Variants in SLC22A23 observed in about 807,000 individuals in gnomAD.
SLC22A23 encodes the protein solute carrier family 22 member 23.
SLC22A23 carries 26 observed loss-of-function variants against 61.0 expected under a neutral mutation model. The ratio of observed to expected loss-of-function variants is 0.43; its 90% CI spans 0.31 to 0.59. The LOEUF is 0.59. SLC22A23 is among the 20% of genes least tolerant of loss of function. The probability of loss-of-function intolerance (pLI) is 0.11; values close to 1 mark genes in which losing one functional copy is unlikely to be tolerated. For missense variants in SLC22A23, 796 were observed against 934.7 expected, an observed-to-expected ratio of 0.85 and a Z score of 1.94; for synonymous variants, 430 against 413.9, an observed-to-expected ratio of 1.04 and a Z score of -0.47.
chr6:3,389,492 G>A (rs1016900996), intron 3 of SLC22A23, among the ~76,000 whole-genome samples: 1 of 152,182 alleles, frequency 6.6e-6, no homozygotes. Context: ...GCTGGTGAGC[G>A]CTGAGGAGGC....
chr6:3,417,802 T>C (rs1007534813), intron 1 of SLC22A23, among the ~76,000 whole-genome samples: 18 of 152,234 alleles, frequency 1.2e-4, no homozygotes, highest in Non-Finnish European at 2.1e-4. Flanking sequence ...GCAAAAACGC[T>C]GTGGGAACCA....
chr6:3,314,920 G>C (rs113028181), intron 4 of SLC22A23, among the ~76,000 whole-genome samples: 6 of 152,122 alleles, frequency 3.9e-5, no homozygotes, highest in African/African-American at 1.4e-4. Flanking sequence ...GCAGTGCAGC[G>C]TGATCCTTCT....
chr6:3,452,599 TAAAAAAAAAAAAAAAAAA>T (rs570923626), intron 1 of SLC22A23, among the ~76,000 whole-genome samples: 25 of 40,534 alleles, frequency 6.2e-4, no homozygotes, highest in African/African-American at 1.9e-3. Flanking sequence ...AGACGCTGTC[TAAAAAAAAAAAAAAAAAA>T]AAAAAAAAAA....
chr6:3,454,534 A>AAT lies in SLC22A23; in HGVS notation c.654+1370_654+1371dup, dbSNP rs987986608. ...TCTGTCAGACATACACAGTGATTTA[A>AAT]ATAGTCATTGTTCTTAATTTTTCTT... On this transcript the variant is annotated intron_variant, in intron 1 of 9. Coordinates refer to ENST00000406686, the MANE Select transcript of SLC22A23 (RefSeq NM_015482.2). The surrounding 1 kb of genome is among the most constrained non-coding windows in gnomAD (Gnocchi z 4.3). Among the ~76,000 whole-genome samples, 53 of 152,244 alleles carry AAT rather than the reference A, an allele frequency of 3.5e-4. No homozygotes were observed. Among genetic ancestry groups the AAT allele is most frequent in the Non-Finnish European group, 6.0e-4 (41 of 68,044 alleles).
chr6:3,284,881 T>C (rs1044876467), intron 8 of SLC22A23, 198 bp downstream of exon 8: 38 of 1,533,452 alleles, frequency 2.5e-5, no homozygotes, highest in Non-Finnish European at 3.3e-5. Flanking sequence ...GAAGCACCAG[T>C]CGCTCTTTCT....
At chr6:3,340,326 C>G (rs562824287) in intron 3 of SLC22A23, among the ~76,000 whole-genome samples, 1 of 152,232 alleles carries the variant, frequency 6.6e-6, no homozygotes, top group African/African-American at 2.4e-5. Flanking sequence ...TAAGGTAAAA[C>G]GCCCGCCGGT....
rs1330136179 is a variant in SLC22A23, at chr6:3,271,048, AG to A, written c.*2006del. ...CTGCCTACTGGCCTGGCTACTGGAT[AG>A]GTCCTATTCTGTACATAATGGGGGT... On this transcript the variant is annotated 3_prime_UTR_variant, in exon 10 of 10. Coordinates refer to ENST00000406686, the MANE Select transcript of SLC22A23 (RefSeq NM_015482.2). The A allele has an allele frequency of 6.6e-6, 1 of 152,402 alleles. No homozygotes were observed. The allele number at this position is 152,402 out of a possible 1,614,324, so 9.4% of individuals were successfully genotyped here.
chr6:3,320,319 A>G (rs1388388641), intron 4 of SLC22A23, among the ~76,000 whole-genome samples: 8 of 152,146 alleles, frequency 5.3e-5, no homozygotes, highest in Non-Finnish European at 2.9e-5. Flanking sequence ...CATCTCGACC[A>G]GAAGATCCCT....
intron 1 of SLC22A23, among the ~76,000 whole-genome samples, chr6:3,449,170 A>G (rs1046273199): frequency 2.0e-5 from 3 of 152,236 alleles, no homozygotes; most frequent in Non-Finnish European, 2.9e-5. Context: ...CAGAAAAGCA[A>G]AACAGGTATC....
Position 3,441,001 on chromosome 6 carries a change from T to G in SLC22A23, c.654+14905A>C, listed in dbSNP as rs187265630. 1.6e-3 allele frequency among the ~76,000 whole-genome samples: 248 copies of G among 152,326 alleles called. 3 individuals carry two copies. Among genetic ancestry groups the G allele is most frequent in the Non-Finnish European group, 2.7e-3 (186 of 68,026 alleles). ...GGCATCAGGCAAGCCTGACAGCCTC[T>G]GTAGTGGAGAGACCACATGGTGCTG... On this transcript the variant is annotated intron_variant, in intron 1 of 9. Transcript: ENST00000406686.
Position 3,272,486 on chromosome 6 carries a change from T to C in SLC22A23, c.*569A>G, listed in dbSNP as rs982620395. Reference sequence around the variant, plus strand: ...GCTTTCCCTGCACACGAACAGAAGCTCTTACCTTACAAACAGAAAGGGAAA... The same window carrying C: ...GCTTTCCCTGCACACGAACAGAAGCCCTTACCTTACAAACAGAAAGGGAAA... On this transcript the variant is annotated 3_prime_UTR_variant, in exon 10 of 10. Coordinates refer to ENST00000406686, the MANE Select transcript of SLC22A23 (RefSeq NM_015482.2). 5.2e-5 allele frequency: 8 copies of C among 152,668 alleles called. No individual in the cohort carries two copies. Among genetic ancestry groups the C allele is most frequent in the African/African-American group, 1.7e-4 (7 of 41,426 alleles). 9.5% of individuals were successfully genotyped at this position (152,668 alleles called of 1,614,324 possible).
intron 3 of SLC22A23, among the ~76,000 whole-genome samples, chr6:3,351,313 T>C (rs971295671): frequency 6.6e-6 from 1 of 152,074 alleles, no homozygotes; most frequent in African/African-American, 2.4e-5. Flanking sequence ...CGGAGTGCGG[T>C]GGAAAATGCC....
chr6:3,305,336 T>C (rs546993298), intron 4 of SLC22A23, among the ~76,000 whole-genome samples: 4 of 152,328 alleles, frequency 2.6e-5, no homozygotes, highest in African/African-American at 9.6e-5. Context: ...CAAACCCATA[T>C]TGCCTGGACG....
At chr6:3,416,249 C>T (rs955371681) in intron 1 of SLC22A23, among the ~76,000 whole-genome samples, 2 of 152,240 alleles carry the variant, frequency 1.3e-5, no homozygotes, top group Non-Finnish European at 2.9e-5. Flanking sequence ...CTGGGAGACC[C>T]TGTCAACTTT....
At chr6:3,356,258 T>TG (rs1306872174) in intron 3 of SLC22A23, among the ~76,000 whole-genome samples, 15 of 150,896 alleles carry the variant, frequency 9.9e-5, no homozygotes. Flanking sequence ...TGCCAGCCCT[T>TG]GGGATCTGGA....
At chr6:3,452,867 A>C (rs1772222484) in intron 1 of SLC22A23, among the ~76,000 whole-genome samples, 1 of 152,204 alleles carries the variant, frequency 6.6e-6, no homozygotes, top group African/African-American at 2.4e-5. Flanking sequence ...CAAAATTGTT[A>C]AGATGAAACC....
chr6:3,388,993 C>A (rs530840408), intron 3 of SLC22A23, among the ~76,000 whole-genome samples: 1 of 151,942 alleles, frequency 6.6e-6, no homozygotes, highest in East Asian at 1.9e-4. Flanking sequence ...TGGCTGCGGG[C>A]GTGGTGGCTC....
rs1312092363 is a variant in SLC22A23, at chr6:3,289,884, C to CTG, written c.1211-20_1211-19dup. The CTG allele has an allele frequency of 6.2e-7, 1 of 1,609,956 alleles. No homozygotes were observed. The highest frequency in any genetic ancestry group is 1.1e-5 in the South Asian group (1 of 90,402). Reference sequence around the variant, plus strand: ...CTCCAGCTCTGCAAAGAAACAGACCCTGTGAGCCCTGGGCAGGCCGCCCAC... The same window carrying CTG: ...CTCCAGCTCTGCAAAGAAACAGACCCTGTGTGAGCCCTGGGCAGGCCGCCCAC... On this transcript the variant is annotated intron_variant, in intron 5 of 9. Transcript: ENST00000406686.
At chr6:3,323,784 G>T in intron 4 of SLC22A23, 50 bp downstream of exon 4, 1 of 1,563,176 alleles carries the variant, frequency 6.4e-7, no homozygotes, top group East Asian at 2.3e-5. Context: ...GGGCCTTCAG[G>T]AAGCATGTGC....
Sources: allele counts gnomAD v4.1 joint callset (sites outside exome capture counted in the v4.1 genomes callset), GRCh38; gene constraint gnomAD v4.1.1; non-coding constraint Gnocchi (gnomAD v3.1); transcripts MANE v1.5; gene names NCBI Gene and HGNC (gene_info 2026-07-23, HGNC 2026-07-21).